The following TEX11 variants were observed in gnomAD, a reference collection of about 807,000 sequenced individuals.
The protein encoded by TEX11 is testis-expressed protein 11.
TEX11 carries 7 observed loss-of-function variants against 84.4 expected under a neutral mutation model. The ratio of observed to expected loss-of-function variants is 0.08; its 90% CI spans 0.05 to 0.16. The LOEUF is 0.16. TEX11 is among the 10% of genes least tolerant of loss of function. The probability of loss-of-function intolerance (pLI) is 1.00; values close to 1 mark genes in which losing one functional copy is unlikely to be tolerated. For synonymous variants in TEX11, 264 were observed against 222.8 expected, an observed-to-expected ratio of 1.18 and a Z score of -1.64; for missense variants, 551 against 660.5, an observed-to-expected ratio of 0.83 and a Z score of 1.82.
chrX:70,731,323 T>C (rs2090648287), intron 11 of TEX11, among the ~76,000 whole-genome samples: 1 of 110,304 alleles, frequency 9.1e-6, no homozygotes, highest in Admixed American at 9.7e-5. Flanking sequence ...CTGAAGGAAA[T>C]AGAGACACAA....
chrX:70,831,746 A>T (rs1435563650), intron 8 of TEX11, among the ~76,000 whole-genome samples: 1 of 111,625 alleles, frequency 9.0e-6, no homozygotes, highest in African/African-American at 3.3e-5. Flanking sequence ...GTATACTTGA[A>T]AATTGCTAAG....
intron 28 of TEX11, among the ~76,000 whole-genome samples, chrX:70,539,323 C>T (rs1402152771): frequency 3.7e-5 from 4 of 109,520 alleles, no homozygotes; most frequent in Non-Finnish European, 5.7e-5. Context: ...CATGAGCCAC[C>T]GTGCCCGGCC....
chrX:70,589,608 C>T (rs998584211), intron 25 of TEX11, among the ~76,000 whole-genome samples: 4 of 111,491 alleles, frequency 3.6e-5, no homozygotes, highest in African/African-American at 6.5e-5. Context: ...CTGCAAACTC[C>T]GCCTGCGGGG....
chrX:70,752,508 G>A (rs1414568268), intron 9 of TEX11, among the ~76,000 whole-genome samples: 1 of 80,360 alleles, frequency 1.2e-5, no homozygotes, highest in East Asian at 4.2e-4. Flanking sequence ...CTGGGTGACA[G>A]AGCGATACTC....
At chrX:70,751,400 A>T (rs200619275) in intron 9 of TEX11, among the ~76,000 whole-genome samples, 1 of 99,349 alleles carries the variant, frequency 1.0e-5, no homozygotes, top group East Asian at 3.5e-4. Context: ...ACCAAACACC[A>T]CATGTTCTCA....
chrX:70,567,489 G>T (rs1427048719), intron 25 of TEX11, among the ~76,000 whole-genome samples: 1 of 110,675 alleles, frequency 9.0e-6, no homozygotes, highest in African/African-American at 3.3e-5. Flanking sequence ...TCTTTTAATT[G>T]TGATGTTAGG....
At chrX:70,728,093 T>C (rs2090613390) in intron 11 of TEX11, among the ~76,000 whole-genome samples, 2 of 112,862 alleles carry the variant, frequency 1.8e-5, no homozygotes, top group South Asian at 7.3e-4. Context: ...GTGAAACTTA[T>C]TTGTTTTCAT....
At chrX:70,841,888 G>A (rs2091447050) in intron 7 of TEX11, among the ~76,000 whole-genome samples, 2 of 111,794 alleles carry the variant, frequency 1.8e-5, no homozygotes, top group South Asian at 7.6e-4. Context: ...TAGAAGAAAT[G>A]GATAAACTCC....
At chrX:70,807,714 T>G (rs754275352) in intron 8 of TEX11, among the ~76,000 whole-genome samples, 1,183 of 111,819 alleles carry the variant, frequency 0.011, 8 homozygotes, top group Middle Eastern at 0.032. Flanking sequence ...CCTGTCTTGC[T>G]TCAAAAAAGT....
intron 24 of TEX11, among the ~76,000 whole-genome samples, chrX:70,596,017 CA>C (rs1038259155): frequency 1.8e-4 from 19 of 103,300 alleles, no homozygotes; most frequent in Admixed American, 4.2e-4. Context: ...GACTCTAAAA[CA>C]AAAAAAAAAT....
intron 16 of TEX11, among the ~76,000 whole-genome samples, chrX:70,654,709 CAAAAA>C (rs56822297): frequency 8.0e-5 from 3 of 37,617 alleles, no homozygotes; most frequent in Admixed American, 7.5e-4. Context: ...GACTCTGTCT[CAAAAA>C]AAAAAAAAAA....
chrX:70,688,887 T>C (rs901970904), intron 13 of TEX11, among the ~76,000 whole-genome samples: 1 of 107,899 alleles, frequency 9.3e-6, no homozygotes, highest in Non-Finnish European at 1.9e-5. Context: ...CTAACAAATG[T>C]GTGGAACAAC....
At chrX:70,544,244 T>A (rs1362221285) in intron 28 of TEX11, among the ~76,000 whole-genome samples, 1 of 112,126 alleles carries the variant, frequency 8.9e-6, no homozygotes, top group Non-Finnish European at 1.9e-5. Context: ...CCAGGTGTGG[T>A]GGCTCACACC....
Position 70,824,402 on chromosome X carries a change from C to G in TEX11, c.606+9111G>C, listed in dbSNP as rs763991829. ...CATCTTTCTTCCATTCTCTTGTGCT[C>G]AGGCCCTAGGCAATCCCATGGTGGC... On this transcript the variant is annotated intron_variant, in intron 8 of 29. Transcript: ENST00000374333. Among the ~76,000 whole-genome samples, 96 of 111,959 alleles carry G rather than the reference C, an allele frequency of 8.6e-4. 2 individuals are homozygous for G. Among genetic ancestry groups the G allele is most frequent in the African/African-American group, 2.5e-3 (77 of 30,906 alleles).
intron 8 of TEX11, among the ~76,000 whole-genome samples, chrX:70,810,570 A>G (rs1035289541): frequency 1.8e-5 from 2 of 111,067 alleles, no homozygotes; most frequent in Non-Finnish European, 3.8e-5. Context: ...GCATGTTCTC[A>G]CTCATAAGTG....
At chrX:70,545,324 ATAAG>A (rs1377530805) in intron 28 of TEX11, among the ~76,000 whole-genome samples, 1 of 112,649 alleles carries the variant, frequency 8.9e-6, no homozygotes, top group Non-Finnish European at 1.9e-5. Context: ...TCCTTATTGT[ATAAG>A]TGTTTTCCTA....
At chrX:70,753,888 C>G (rs1369576125) in intron 9 of TEX11, among the ~76,000 whole-genome samples, 1 of 110,572 alleles carries the variant, frequency 9.0e-6, no homozygotes, top group Non-Finnish European at 1.9e-5. Flanking sequence ...GTTCTAGAAT[C>G]ATTCATCATC....
At chrX:70,602,109 G>T (rs1348666756) in intron 24 of TEX11, among the ~76,000 whole-genome samples, 27 of 111,696 alleles carry the variant, frequency 2.4e-4, no homozygotes, top group Admixed American at 2.3e-3. Flanking sequence ...CCCAGTAGGG[G>T]CGGCCGGGCA....
In TEX11 at chrX:70,591,775, T is replaced by C; in HGVS notation, c.2116A>G (p.Ile706Val). The C allele has an allele frequency of 8.3e-7, 1 of 1,209,280 alleles. No individual in the cohort carries two copies. Among genetic ancestry groups the C allele is most frequent in the Admixed American group, 2.2e-5 (1 of 45,969 alleles). The change falls in exon 25 of 30, where the codon ATC becomes GTC. Residue 706 changes from isoleucine (I) to valine (V), a missense_variant. Physicochemically the swap from Ile to Val is conservative, Grantham distance 29. Coordinates refer to ENST00000374333, the MANE Select transcript of TEX11 (RefSeq NM_031276.3). The stretch of plus-strand genomic sequence containing the variant: ...CCTGTTTGTTTCAGGAAATTATGGA[T>C]GTCATTGCATGTCTGGATCTCCTCA... The part of the protein sequence containing the change: ...ALEEIQTCND[I>V]HNFLKQTGTF...
Sources: gnomAD v4.1 joint callset for allele counts (sites outside exome capture counted in the v4.1 genomes callset) on GRCh38, gnomAD v4.1.1 for gene constraint, MANE v1.5 for transcripts, NCBI Gene and HGNC (gene_info 2026-07-23, HGNC 2026-07-21) for gene names.